ELF1: variants seen among roughly 807,000 people sequenced by gnomAD.
The protein encoded by ELF1 is E74 like ETS transcription factor 1.
Under a neutral mutation model 59.9 loss-of-function variants are expected in ELF1, and 24 were observed. The ratio of observed to expected loss-of-function variants is 0.40; its 90% CI spans 0.29 to 0.56. The LOEUF is 0.56. ELF1 is among the 20% of genes least tolerant of loss of function. The pLI is 0.44. For missense variants in ELF1, 627 were observed against 742.2 expected (o/e 0.84, Z 1.80); for synonymous variants, 248 against 266.2 (o/e 0.93, Z 0.67).
At chr13:40,943,179 A>C (rs1870293009) in intron 6 of ELF1, 35 bp from the exon 7 acceptor site, 1 of 1,442,442 alleles carries the variant, frequency 6.9e-7, no homozygotes, top group Non-Finnish European at 9.2e-7. Context: ...AAATGACCAA[A>C]ATTTCATTTA....
chr13:40,960,850 A>G (rs560878055), intron 2 of ELF1, among the ~76,000 whole-genome samples: 2 of 152,336 alleles, frequency 1.3e-5, no homozygotes, highest in African/African-American at 2.4e-5. Flanking sequence ...ATGTTTCTTA[A>G]CTAAACACTT....
chr13:41,013,091 A>G (rs1875171533), intron 1 of ELF1, among the ~76,000 whole-genome samples: 1 of 152,182 alleles, frequency 6.6e-6, no homozygotes, highest in Non-Finnish European at 1.5e-5. Flanking sequence ...GAAATGCATC[A>G]ACTGTCCATC....
intron 2 of ELF1, among the ~76,000 whole-genome samples, chr13:40,961,011 A>G (rs951480093): frequency 1.3e-5 from 2 of 152,216 alleles, no homozygotes; most frequent in African/African-American, 2.4e-5. Flanking sequence ...CTGCTCATAG[A>G]TAATAATGCC....
intron 1 of ELF1, among the ~76,000 whole-genome samples, chr13:41,041,963 TAA>T (rs1428407876): frequency 1.1e-4 from 17 of 152,252 alleles, no homozygotes; most frequent in Admixed American, 1.1e-3. Context: ...AGATCCTGTT[TAA>T]GCAAAGTGTA....
At chr13:40,935,874 C>T (rs1447840538) in intron 8 of ELF1, among the ~76,000 whole-genome samples, 1 of 151,948 alleles carries the variant, frequency 6.6e-6, no homozygotes, top group Non-Finnish European at 1.5e-5. Flanking sequence ...AGGGTTTCAC[C>T]ACGTTGGCCA....
At chr13:41,018,264 C>G (rs1438988824) in intron 1 of ELF1, among the ~76,000 whole-genome samples, 1 of 152,160 alleles carries the variant, frequency 6.6e-6, no homozygotes, top group Admixed American at 6.5e-5. Flanking sequence ...AACTTTAAGG[C>G]ACAGTAGGAT....
chr13:41,051,346 T>C (rs1010209594), intron 1 of ELF1, among the ~76,000 whole-genome samples: 2 of 151,984 alleles, frequency 1.3e-5, no homozygotes, highest in African/African-American at 4.8e-5. Context: ...CCTTCACTAC[T>C]GCCCCCAATT....
chr13:40,987,097 G>A (rs548534423), intron 1 of ELF1, among the ~76,000 whole-genome samples: 17 of 150,136 alleles, frequency 1.1e-4, no homozygotes, highest in African/African-American at 3.9e-4. Context: ...CACCACGCCC[G>A]GCTAATTTTT....
At chr13:40,974,126 T>G (rs1179538253) in intron 2 of ELF1, among the ~76,000 whole-genome samples, 1 of 152,176 alleles carries the variant, frequency 6.6e-6, no homozygotes, top group East Asian at 1.9e-4. Flanking sequence ...TGTATAAACT[T>G]AAAACCATTG....
At chr13:41,000,210 G>A (rs1370325059) in intron 1 of ELF1, among the ~76,000 whole-genome samples, 2 of 134,974 alleles carry the variant, frequency 1.5e-5, no homozygotes, top group Non-Finnish European at 1.6e-5. Flanking sequence ...ATAATTAGTT[G>A]ACCAAATGAG....
At chr13:40,953,758 G>A (rs1452737258) in intron 3 of ELF1, among the ~76,000 whole-genome samples, 1 of 152,136 alleles carries the variant, frequency 6.6e-6, no homozygotes, top group Non-Finnish European at 1.5e-5. Context: ...CACCCCCACT[G>A]TGGAATAACG....
At chr13:41,022,040 T>C (rs1875710619), upstream of ELF1, among the ~76,000 whole-genome samples, 1 of 152,234 alleles carries the variant, frequency 6.6e-6, no homozygotes, top group Non-Finnish European at 1.5e-5. Flanking sequence ...GATCCAGTAA[T>C]CCCATTCCTA....
chr13:41,030,118 C>T (rs1476532501), intron 1 of ELF1, among the ~76,000 whole-genome samples: 1 of 151,494 alleles, frequency 6.6e-6, no homozygotes, highest in Non-Finnish European at 1.5e-5. Context: ...GTTAGAAAAG[C>T]AACAATGACA....
intron 8 of ELF1, among the ~76,000 whole-genome samples, chr13:40,938,158 C>T (rs1434591187): frequency 6.6e-6 from 1 of 152,138 alleles, no homozygotes; most frequent in Non-Finnish European, 1.5e-5. Context: ...ATTATTAATG[C>T]TTGGATAAAT....
intron 1 of ELF1, among the ~76,000 whole-genome samples, chr13:41,042,540 T>A (rs945594730): frequency 6.6e-6 from 1 of 152,106 alleles, no homozygotes; most frequent in Admixed American, 6.5e-5. Context: ...TTCCTACCTA[T>A]GAGTGAGAAC....
intron 2 of ELF1, among the ~76,000 whole-genome samples, chr13:40,964,638 G>A (rs531868459): frequency 2.0e-5 from 3 of 152,196 alleles, no homozygotes; most frequent in African/African-American, 4.8e-5. Context: ...GGGCTCAAGC[G>A]ATCCTCTCAC....
At chr13:41,005,339 A>G (rs887695106) in intron 1 of ELF1, among the ~76,000 whole-genome samples, 3 of 151,600 alleles carry the variant, frequency 2.0e-5, no homozygotes, top group Non-Finnish European at 4.4e-5. Context: ...TAAAAAACCA[A>G]GTGTCTAAAC....
In ELF1 at chr13:40,982,125, A is replaced by G; in HGVS notation, c.-71T>C. On this transcript the variant is annotated 5_prime_UTR_variant, in exon 2 of 9. Coordinates refer to ENST00000239882, the MANE Select transcript of ELF1 (RefSeq NM_172373.4). ...ATTCACGTATCAGGCAGCAAAATCC[A>G]GTGACTGATTTGGGTAAAAAACCCT... is the stretch of plus-strand genomic sequence containing the variant. The G allele has an allele frequency of 6.3e-7, 1 of 1,574,808 alleles. No homozygotes were observed. The highest frequency in any genetic ancestry group is 8.6e-7 in the Non-Finnish European group (1 of 1,161,630).
chr13:41,013,529 G>A (rs1381002791), intron 1 of ELF1, among the ~76,000 whole-genome samples: 7 of 152,058 alleles, frequency 4.6e-5, no homozygotes, highest in African/African-American at 9.7e-5. Context: ...AAAGATTATC[G>A]CAAAAGTCAG....
Sources: gnomAD v4.1 joint callset for allele counts (sites outside exome capture counted in the v4.1 genomes callset) on GRCh38, gnomAD v4.1.1 for gene constraint, MANE v1.5 for transcripts, NCBI Gene and HGNC (gene_info 2026-07-23, HGNC 2026-07-21) for gene names.